CTNNA2: variants seen among roughly 807,000 people sequenced by gnomAD.
CTNNA2 encodes the protein catenin alpha 2, also known as catenin alpha-2.
Under a neutral mutation model 101.0 loss-of-function variants are expected in CTNNA2, and 42 were observed. That is an observed-to-expected ratio of 0.42 (90% CI 0.32 to 0.54). The LOEUF (loss-of-function observed/expected upper bound fraction) is 0.54, where lower values mean the gene tolerates loss of function less well. CTNNA2 is among the 20% of genes least tolerant of loss of function. CTNNA2 has a pLI of 0.14. For missense variants in CTNNA2, 871 were observed against 1,223.1 expected (o/e 0.71, Z 4.29); for synonymous variants, 450 against 456.4 (o/e 0.99, Z 0.18).
chr2:79,496,976 G>A (rs185598152), intron 4 of CTNNA2, among the ~76,000 whole-genome samples: 1 of 152,274 alleles, frequency 6.6e-6, no homozygotes, highest in Admixed American at 6.5e-5. Context: ...TGATGGCTTT[G>A]GGACCTAACA....
At chr2:80,467,138 G>T (rs979106149) in intron 9 of CTNNA2, among the ~76,000 whole-genome samples, 2 of 152,182 alleles carry the variant, frequency 1.3e-5, no homozygotes, top group Non-Finnish European at 2.9e-5. Context: ...CAAAGAGGTT[G>T]TAAGTCCCAC....
chr2:79,880,455 T>C (rs879661449), intron 6 of CTNNA2, among the ~76,000 whole-genome samples: 2 of 152,150 alleles, frequency 1.3e-5, no homozygotes, highest in Non-Finnish European at 2.9e-5. Flanking sequence ...CCTGGGCTTT[T>C]TTTGGTTGGT....
chr2:79,312,225 G>A (rs1282965952), intron 2 of CTNNA2, among the ~76,000 whole-genome samples: 1 of 152,156 alleles, frequency 6.6e-6, no homozygotes, highest in East Asian at 1.9e-4. Context: ...CAGGCATAAG[G>A]TTTTAACTGA....
intron 7 of CTNNA2, among the ~76,000 whole-genome samples, chr2:80,388,448 A>T (rs1000677344): frequency 2.0e-5 from 3 of 152,222 alleles, no homozygotes; most frequent in Admixed American, 2.0e-4. Flanking sequence ...CTGCCTGTCA[A>T]TTCCCAGCCC....
intron 7 of CTNNA2, among the ~76,000 whole-genome samples, chr2:80,326,609 A>G: frequency 6.6e-6 from 1 of 152,150 alleles, no homozygotes; most frequent in East Asian, 1.9e-4. Flanking sequence ...TGTGCCTAGA[A>G]ATAACAAAAT....
intron 9 of CTNNA2, among the ~76,000 whole-genome samples, chr2:80,487,511 A>G (rs1346640995): frequency 6.6e-6 from 1 of 152,098 alleles, no homozygotes; most frequent in Non-Finnish European, 1.5e-5. Flanking sequence ...AGAAGTGCCA[A>G]GCAAAAGGGG....
intron 7 of CTNNA2, among the ~76,000 whole-genome samples, chr2:79,956,260 A>G (rs1689214269): frequency 6.6e-6 from 1 of 152,108 alleles, no homozygotes; most frequent in South Asian, 2.1e-4. Context: ...TGCCCTAATC[A>G]GTCAATTTCT....
intron 4 of CTNNA2, among the ~76,000 whole-genome samples, chr2:79,482,235 T>C (rs1325728707): frequency 1.3e-5 from 2 of 152,178 alleles, no homozygotes; most frequent in Non-Finnish European, 2.9e-5. Context: ...TTTCAACCTG[T>C]AGCTAACATC....
intron 4 of CTNNA2, among the ~76,000 whole-genome samples, chr2:79,396,736 C>A (rs1678236393): frequency 1.3e-5 from 2 of 152,190 alleles, no homozygotes; most frequent in East Asian, 1.9e-4. Context: ...TTCTGCCTGG[C>A]AAAACCCGGA....
intron 7 of CTNNA2, among the ~76,000 whole-genome samples, chr2:80,306,401 TTTCTTTCTTTC>T (rs1676977857): frequency 7.3e-5 from 2 of 27,462 alleles, no homozygotes; most frequent in African/African-American, 2.1e-4. Context: ...TTTCTTTTCT[TTTCTTTCTTTC>T]TTTCTTTCTT....
rs546758624 is a variant in CTNNA2 at position 80,415,600 on chromosome 2, C to T, written c.1138-3849C>T. 3.3e-5 allele frequency among the ~76,000 whole-genome samples: 5 copies of T among 152,162 alleles called. No individual in the cohort carries two copies. In the South Asian group the frequency reaches 6.2e-4, roughly 19 times the overall value. On this transcript the variant is annotated intron_variant, in intron 8 of 18. Transcript: ENST00000402739. ...GATATGGAGAAAGGAAAGCTTTGAA[C>T]GTTGTTTGTGGGAATGTAAATTAGT...
At chr2:79,470,170 ATTAT>A (rs1361912557) in intron 4 of CTNNA2, among the ~76,000 whole-genome samples, 2 of 152,176 alleles carry the variant, frequency 1.3e-5, no homozygotes, top group Non-Finnish European at 2.9e-5. Context: ...TACACATCAG[ATTAT>A]TTAGGAGGCC....
chr2:80,082,958 A>G (rs981992309), intron 7 of CTNNA2, among the ~76,000 whole-genome samples: 4 of 152,114 alleles, frequency 2.6e-5, no homozygotes, highest in African/African-American at 9.7e-5. Flanking sequence ...ATTGTATTAC[A>G]ATTATTATTA....
intron 7 of CTNNA2, among the ~76,000 whole-genome samples, chr2:80,370,869 C>T (rs1409474472): frequency 6.6e-6 from 1 of 152,084 alleles, no homozygotes; most frequent in Admixed American, 6.6e-5. Flanking sequence ...TTTTACATGA[C>T]ACAAGAGGCT....
rs537260484 is a variant in CTNNA2 at position 79,537,720 on chromosome 2, A to G, written c.-6+24513A>G. On this transcript the variant is annotated intron_variant, in intron 1 of 18. Transcript: ENST00000402739. ...AGAACCACTTTTACCTTTAGACCAT[A>G]AATACTTACCATGTCAGTTATATTT... Among the ~76,000 whole-genome samples the G allele has an allele frequency of 3.3e-5, 5 of 152,234 alleles. No homozygotes were observed. In the South Asian group the frequency reaches 1.0e-3, roughly 32 times the overall value.
chr2:79,353,236 A>G (rs578212500), intron 3 of CTNNA2, among the ~76,000 whole-genome samples: 94 of 152,216 alleles, frequency 6.2e-4, no homozygotes, highest in African/African-American at 2.2e-3. Context: ...TTCTGGCTTA[A>G]TTTTGTTTAC....
chr2:79,346,869 G>A (rs1270028850), intron 3 of CTNNA2, among the ~76,000 whole-genome samples: 1 of 152,110 alleles, frequency 6.6e-6, no homozygotes. Context: ...ATAAAGTCCT[G>A]GTTTAAAGAT....
At chr2:79,497,988 T>C (rs2103797735) in intron 4 of CTNNA2, 1 of 152,304 alleles carries the variant, frequency 6.6e-6, no homozygotes, top group African/African-American at 2.4e-5. Context: ...TTAGTTTCCT[T>C]AGACACATGA....
At position 80,611,006 on chromosome 2, in the gene CTNNA2, GTTT is replaced by G. The variant is rs3836002; in HGVS notation, c.2430+2697_2430+2699del. On this transcript the variant is annotated intron_variant, in intron 17 of 18. Transcript: ENST00000402739. ...CATTGGTTTCCTACCTGGCAATTAG[GTTT>G]TTTTTTTTGTCATTGGCTTAAACCT... Among the ~76,000 whole-genome samples, 3 of 146,634 alleles carry G rather than the reference GTTT, an allele frequency of 2.0e-5. No homozygotes were observed. In the East Asian group the frequency reaches 6.0e-4, roughly 29 times the overall value.
Sources: gnomAD v4.1 joint callset for allele counts (sites outside exome capture counted in the v4.1 genomes callset) on GRCh38, gnomAD v4.1.1 for gene constraint, MANE v1.5 for transcripts, NCBI Gene and HGNC (gene_info 2026-07-23, HGNC 2026-07-21) for gene names.